Variants in CACNA2D3 observed in about 807,000 individuals in gnomAD.
CACNA2D3 encodes calcium voltage-gated channel auxiliary subunit alpha2delta 3, also known as voltage-dependent calcium channel subunit alpha-2/delta-3.
In CACNA2D3, 60 loss-of-function variants were observed where a neutral mutation model predicts 160.6. The ratio of observed to expected loss-of-function variants is 0.37; its 90% CI spans 0.30 to 0.46. The LOEUF (loss-of-function observed/expected upper bound fraction) is 0.46. CACNA2D3 is among the 20% of genes least tolerant of loss of function. The probability of loss-of-function intolerance (pLI) is 1.00; values close to 1 mark genes in which losing one functional copy is unlikely to be tolerated. For synonymous variants in CACNA2D3, 558 were observed against 492.9 expected (o/e 1.13, Z -1.75); for missense variants, 1,205 against 1,365.0 (o/e 0.88, Z 1.85).
intron 2 of CACNA2D3, among the ~76,000 whole-genome samples, chr3:54,218,980 C>CT (rs1446049051): frequency 9.9e-5 from 15 of 152,148 alleles, no homozygotes; most frequent in Non-Finnish European, 1.5e-4. Context: ...TGCAAAGTCT[C>CT]TTTTTTCATG....
chr3:55,070,766 T>A lies in CACNA2D3; in HGVS notation c.2988-2679T>A, dbSNP rs148463173. Among the ~76,000 whole-genome samples, 45 of 152,364 alleles carry A rather than the reference T, an allele frequency of 3.0e-4. No individual in the cohort carries two copies. The East Asian group carries it at 7.3e-3, about 25-fold the overall frequency. On this transcript the variant is annotated intron_variant, in intron 35 of 37. Coordinates refer to ENST00000474759, the MANE Select transcript of CACNA2D3 (RefSeq NM_018398.3). ...CCGCACAAATGTGAATCTGGGCTAT[T>A]ATCAAATCTCAAGGATTGATGAAAG... is the stretch of plus-strand genomic sequence containing the variant.
intron 13 of CACNA2D3, among the ~76,000 whole-genome samples, chr3:54,810,958 A>G (rs1220354493): frequency 2.6e-5 from 4 of 152,020 alleles, no homozygotes; most frequent in Admixed American, 6.6e-5. Flanking sequence ...TGCCTCACCT[A>G]TTGTTCCTCA....
At chr3:54,531,602 G>T (rs1701805949) in intron 5 of CACNA2D3, among the ~76,000 whole-genome samples, 2 of 152,120 alleles carry the variant, frequency 1.3e-5, no homozygotes, top group African/African-American at 4.8e-5. Flanking sequence ...TTCTGGTGAG[G>T]GCGGCATCTC....
At position 54,800,750 on chromosome 3, in the gene CACNA2D3, C is replaced by G. The variant is rs555924961; in HGVS notation, c.1381-16103C>G. Among the ~76,000 whole-genome samples, 18 of 152,282 alleles carry G rather than the reference C, an allele frequency of 1.2e-4. No homozygotes were observed. The East Asian group carries it at 3.3e-3, about 28-fold the overall frequency. ...CAGGGCTGTACTACTAGAACAAAAA[C>G]TCCAGATCTTTTCATTCAAAATTAA... On this transcript the variant is annotated intron_variant, in intron 13 of 37. Coordinates refer to ENST00000474759, the MANE Select transcript of CACNA2D3 (RefSeq NM_018398.3).
intron 11 of CACNA2D3, among the ~76,000 whole-genome samples, chr3:54,651,913 C>T (rs867237458): frequency 6.6e-6 from 1 of 152,184 alleles, no homozygotes; most frequent in East Asian, 1.9e-4. Flanking sequence ...CCCAACCCTT[C>T]ACTCATCTTA....
chr3:54,421,793 T>A (rs1466410692), intron 4 of CACNA2D3, among the ~76,000 whole-genome samples: 2 of 152,162 alleles, frequency 1.3e-5, no homozygotes, highest in African/African-American at 4.8e-5. Flanking sequence ...CCTAGGCGAC[T>A]TCACGTTTCA....
intron 11 of CACNA2D3, among the ~76,000 whole-genome samples, chr3:54,669,436 T>C (rs946064663): frequency 6.6e-6 from 1 of 152,212 alleles, no homozygotes; most frequent in Non-Finnish European, 1.5e-5. Flanking sequence ...TTCCTGGTGG[T>C]TCACAACTTA....
chr3:54,143,693 G>T (rs1475369829), intron 2 of CACNA2D3, among the ~76,000 whole-genome samples: 2 of 144,444 alleles, frequency 1.4e-5, no homozygotes, highest in Non-Finnish European at 3.1e-5. Context: ...TAGAGACGGG[G>T]TTTCACTGTG....
At chr3:54,873,321 T>C (rs1214790715) in intron 18 of CACNA2D3, among the ~76,000 whole-genome samples, 3 of 152,148 alleles carry the variant, frequency 2.0e-5, no homozygotes, top group Non-Finnish European at 4.4e-5. Flanking sequence ...TTACAGTTGC[T>C]AGGAATCTTT....
chr3:54,176,386 T>C (rs1431340026), intron 2 of CACNA2D3, among the ~76,000 whole-genome samples: 1 of 152,270 alleles, frequency 6.6e-6, no homozygotes, highest in African/African-American at 2.4e-5. Flanking sequence ...TGTATTTCTT[T>C]TCACGTCCTT....
chr3:54,241,309 C>T lies in CACNA2D3; in HGVS notation c.205-79133C>T, dbSNP rs141061052. Among the ~76,000 whole-genome samples the T allele has an allele frequency of 3.5e-3, 535 of 152,274 alleles. 2 individuals are homozygous for T. The highest frequency in any genetic ancestry group is 5.7e-3 in the Non-Finnish European group (386 of 68,028). ...TGTTGGGCACTGTTGTAAGCACTTC[C>T]TGAGCAGAGCTGTATATAATCCTTA... On this transcript the variant is annotated intron_variant, in intron 2 of 37. Transcript: ENST00000474759.
chr3:54,847,945 CA>C (rs922571526), intron 17 of CACNA2D3, among the ~76,000 whole-genome samples: 1 of 152,144 alleles, frequency 6.6e-6, no homozygotes, highest in African/African-American at 2.4e-5. Flanking sequence ...CAATCAAACC[CA>C]AATCTTCTAC....
intron 3 of CACNA2D3, among the ~76,000 whole-genome samples, chr3:54,330,003 T>TAGGA (rs2107516516): frequency 6.7e-6 from 1 of 149,332 alleles, no homozygotes; most frequent in East Asian, 1.9e-4. Flanking sequence ...AAAAGATAGT[T>TAGGA]AGGAATTCAT....
chr3:54,723,106 T>C (rs1001617008), intron 11 of CACNA2D3, among the ~76,000 whole-genome samples: 1 of 152,162 alleles, frequency 6.6e-6, no homozygotes, highest in South Asian at 2.1e-4. Flanking sequence ...AGAGGAGAAA[T>C]CTGGCAGTCT....
At chr3:54,641,013 C>T (rs1041657550) in intron 10 of CACNA2D3, among the ~76,000 whole-genome samples, 3 of 151,478 alleles carry the variant, frequency 2.0e-5, no homozygotes, top group African/African-American at 7.3e-5. Flanking sequence ...TTTTTGAAAT[C>T]CCCCTGTGAT....
intron 13 of CACNA2D3, among the ~76,000 whole-genome samples, chr3:54,810,041 G>T (rs1703258315): frequency 1.3e-5 from 2 of 152,176 alleles, no homozygotes; most frequent in South Asian, 2.1e-4. Context: ...GCCAGAAGAG[G>T]TGCCATCAGA....
intron 27 of CACNA2D3, among the ~76,000 whole-genome samples, chr3:54,952,879 G>A (rs1351051488): frequency 1.3e-5 from 2 of 152,152 alleles, no homozygotes; most frequent in East Asian, 1.9e-4. Context: ...TGTTCTGGGT[G>A]GTTGAGATGA....
intron 14 of CACNA2D3, among the ~76,000 whole-genome samples, chr3:54,825,975 C>T (rs1195351834): frequency 1.3e-5 from 2 of 152,046 alleles, no homozygotes; most frequent in Non-Finnish European, 2.9e-5. Context: ...ATATGCATAG[C>T]TTTTCTTTAC....
intron 5 of CACNA2D3, among the ~76,000 whole-genome samples, chr3:54,557,671 A>G (rs966228157): frequency 6.6e-6 from 1 of 152,152 alleles, no homozygotes; most frequent in African/African-American, 2.4e-5. Context: ...TTGTATTTGC[A>G]TCTTTGTGGA....
Sources: allele counts gnomAD v4.1 joint callset (sites outside exome capture counted in the v4.1 genomes callset), GRCh38; gene constraint gnomAD v4.1.1; transcripts MANE v1.5; gene names NCBI Gene and HGNC (gene_info 2026-07-23, HGNC 2026-07-21).